MACROD1: variants seen among roughly 807,000 people sequenced by gnomAD.
The protein encoded by MACROD1 is mono-ADP ribosylhydrolase 1.
Under a neutral mutation model 41.4 loss-of-function variants are expected in MACROD1, and 31 were observed. The observed-to-expected ratio is 0.75, with a 90% CI of 0.56 to 1.01. The LOEUF is 1.01. Among genes scored for constraint, MACROD1 ranks in the 50% least tolerant of loss-of-function variants. The pLI is 0.00. For synonymous variants in MACROD1, 252 were observed against 203.4 expected (o/e 1.24, Z -2.03); for missense variants, 473 against 460.0 (o/e 1.03, Z -0.26).
At chr11:64,032,030 G>A (rs930432635) in intron 3 of MACROD1, among the ~76,000 whole-genome samples, 1 of 152,176 alleles carries the variant, frequency 6.6e-6, no homozygotes, top group Non-Finnish European at 1.5e-5. Context: ...GCCAACCCCT[G>A]ACCACTGCCC....
chr11:64,013,855 A>G (rs1943046542), intron 4 of MACROD1, among the ~76,000 whole-genome samples: 1 of 152,006 alleles, frequency 6.6e-6, no homozygotes, highest in South Asian at 2.1e-4. Flanking sequence ...CACCCTTCCC[A>G]GCACTCTTCG....
At chr11:64,021,173 A>C (rs1385935135) in intron 3 of MACROD1, among the ~76,000 whole-genome samples, 2 of 152,242 alleles carry the variant, frequency 1.3e-5, no homozygotes, top group Non-Finnish European at 2.9e-5. Context: ...AGAGTCACTC[A>C]GCTGGATTTA....
At chr11:64,133,474 G>A (rs1310861040) in intron 3 of MACROD1, among the ~76,000 whole-genome samples, 1 of 152,196 alleles carries the variant, frequency 6.6e-6, no homozygotes, top group East Asian at 1.9e-4. Flanking sequence ...GATGCCCGGG[G>A]CTGCGGCCGT....
chr11:64,131,445 GC>G (rs1945264738), intron 3 of MACROD1, among the ~76,000 whole-genome samples: 1 of 152,168 alleles, frequency 6.6e-6, no homozygotes, highest in South Asian at 2.1e-4. Flanking sequence ...TCCTGCCTCA[GC>G]CTCCCAAGTA....
intron 3 of MACROD1, among the ~76,000 whole-genome samples, chr11:64,126,513 G>A (rs1038096072): frequency 6.6e-6 from 1 of 152,176 alleles, no homozygotes. Flanking sequence ...CACGGCAGAG[G>A]AATGTCTTAA....
chr11:64,162,418 G>A (rs1042905497), intron 1 of MACROD1, among the ~76,000 whole-genome samples: 4 of 152,048 alleles, frequency 2.6e-5, no homozygotes, highest in Admixed American at 6.6e-5. Context: ...CAGGAGGATC[G>A]CTGAGCCCAG....
At chr11:64,148,114 C>T (rs572099140) in intron 3 of MACROD1, among the ~76,000 whole-genome samples, 4 of 152,022 alleles carry the variant, frequency 2.6e-5, no homozygotes, top group East Asian at 1.9e-4. Context: ...GTGAGGGGGG[C>T]GGGCAGGGGG....
chr11:64,104,425 GGGCTCTACCCAGCA>G (rs1325359913), intron 3 of MACROD1, among the ~76,000 whole-genome samples: 2 of 152,040 alleles, frequency 1.3e-5, no homozygotes, highest in African/African-American at 2.4e-5. Flanking sequence ...CCGTGCTGCT[GGGCTCTACCCAGCA>G]GCTGGACCCA....
At chr11:64,000,422 C>T (rs1406068713) in intron 4 of MACROD1, 79 bp from the exon 5 acceptor site, 1 of 982,402 alleles carries the variant, frequency 1.0e-6, no homozygotes, top group African/African-American at 1.7e-5. Context: ...CCCGAGAAGC[C>T]CCTCGGCGAT....
intron 3 of MACROD1, among the ~76,000 whole-genome samples, chr11:64,042,826 G>T (rs1393926968): frequency 6.6e-6 from 1 of 152,158 alleles, no homozygotes; most frequent in Non-Finnish European, 1.5e-5. Flanking sequence ...CCCCCACCAG[G>T]CTTGGGCTAG....
chr11:64,160,680 G>A (rs1945740122), intron 1 of MACROD1, among the ~76,000 whole-genome samples: 1 of 152,052 alleles, frequency 6.6e-6, no homozygotes, highest in African/African-American at 2.4e-5. Context: ...GCCAGGCATG[G>A]TGGCACATGC....
intron 3 of MACROD1, among the ~76,000 whole-genome samples, chr11:64,136,763 C>G (rs1280050411): frequency 6.6e-6 from 1 of 152,202 alleles, no homozygotes; most frequent in African/African-American, 2.4e-5. Flanking sequence ...CACATCGTGA[C>G]GTGGAATTAG....
chr11:64,038,177 G>A (rs1292075565), intron 3 of MACROD1, among the ~76,000 whole-genome samples: 1 of 152,166 alleles, frequency 6.6e-6, no homozygotes, highest in Non-Finnish European at 1.5e-5. Context: ...GATGGGGAGG[G>A]GGTGCTGCCA....
Position 63,998,565 on chromosome 11 carries a change from A to AC in MACROD1, c.*152dup. The AC allele has an allele frequency of 8.5e-7, 1 of 1,180,972 alleles. No homozygotes were observed. The allele number at this position is 1,180,972 out of a possible 1,614,324, so 73.2% of individuals were successfully genotyped here. ...AGCTCAGACAGTAGGAGCTGCCACA[A>AC]CGAGATCTTTATTAGGCTCCTCGGG... On this transcript the variant is annotated 3_prime_UTR_variant, in exon 11 of 11. Coordinates refer to ENST00000255681, the MANE Select transcript of MACROD1 (RefSeq NM_014067.4).
At position 64,067,244 on chromosome 11, in the gene MACROD1, C is replaced by T. The variant is rs2134452822; in HGVS notation, c.518-51963G>A. On this transcript the variant is annotated intron_variant, in intron 3 of 10. Transcript: ENST00000255681. The surrounding 1 kb of genome is among the most constrained non-coding windows in gnomAD (Gnocchi z 4.6). The stretch of plus-strand genomic sequence containing the variant: ...GGGGAGAGGCCTTGCATGGCACCCA[C>T]TCCCACCTGTGCGGCACGAGAGGGA... Among the ~76,000 whole-genome samples, 1 of 152,222 alleles carries T rather than the reference C, an allele frequency of 6.6e-6. No individual in the cohort carries two copies. The highest frequency in any genetic ancestry group is 2.4e-5 in the African/African-American group (1 of 41,532).
chr11:64,098,276 GC>G (rs1486955523), intron 3 of MACROD1, among the ~76,000 whole-genome samples: 2 of 152,176 alleles, frequency 1.3e-5, no homozygotes, highest in Non-Finnish European at 1.5e-5. Flanking sequence ...CAGGCTCCGG[GC>G]CCTGCTTCAG....
At chr11:64,141,268 C>T (rs2039631689) in intron 3 of MACROD1, among the ~76,000 whole-genome samples, 2 of 152,324 alleles carry the variant, frequency 1.3e-5, no homozygotes, top group Middle Eastern at 3.4e-3. Context: ...GCACCAGGCC[C>T]GGCCAGGACT....
rs374985494 is a variant in MACROD1 at position 64,036,812 on chromosome 11, C to A, written c.518-21531G>T. Reference sequence around the variant, plus strand: ...GTGCCTGGGCGGGGGGCGGCGGGCACCCCCCATCCCCCAGCTCTCAAGACA... The same window carrying A: ...GTGCCTGGGCGGGGGGCGGCGGGCAACCCCCATCCCCCAGCTCTCAAGACA... On this transcript the variant is annotated intron_variant, in intron 3 of 10. Coordinates refer to ENST00000255681, the MANE Select transcript of MACROD1 (RefSeq NM_014067.4). This position sits in a 1 kb window ranked among gnomAD's most constrained non-coding sequence, Gnocchi z 5.6. 6.6e-6 allele frequency among the ~76,000 whole-genome samples: 1 copy of A among 152,136 alleles called. No individual in the cohort carries two copies. The highest frequency in any genetic ancestry group is 1.5e-5 in the Non-Finnish European group (1 of 68,004).
rs199526588 is a variant in MACROD1 at position 64,117,593 on chromosome 11, C to T, written c.517+33646G>A. On this transcript the variant is annotated intron_variant, in intron 3 of 10. Coordinates refer to ENST00000255681, the MANE Select transcript of MACROD1 (RefSeq NM_014067.4). ...ATGGCGCCAAGACCCTGGCCATCCACGTGAAGGCCCTGACGGCAGACTCCA... is the reference window on the plus strand; with the variant it reads ...ATGGCGCCAAGACCCTGGCCATCCATGTGAAGGCCCTGACGGCAGACTCCA... The T allele has an allele frequency of 6.2e-5, 100 of 1,612,930 alleles. No individual in the cohort carries two copies. Among genetic ancestry groups the T allele is most frequent in the Non-Finnish European group, 7.7e-5 (91 of 1,179,436 alleles).
Sources: gnomAD v4.1 joint callset for allele counts (sites outside exome capture counted in the v4.1 genomes callset) on GRCh38, gnomAD v4.1.1 for gene constraint, Gnocchi (gnomAD v3.1) non-coding constraint, MANE v1.5 for transcripts, NCBI Gene and HGNC (gene_info 2026-07-23, HGNC 2026-07-21) for gene names.